The following PCDHA4 variants were observed in gnomAD, a reference collection of about 807,000 sequenced individuals.
The protein encoded by PCDHA4 is protocadherin alpha-4.
PCDHA4 carries 49 observed loss-of-function variants against 61.4 expected under a neutral mutation model. The observed-to-expected ratio is 0.80, with a 90% CI of 0.63 to 1.01. PCDHA4 has a LOEUF of 1.01. PCDHA4 is among the 50% of genes least tolerant of loss of function. The pLI, the probability that PCDHA4 is intolerant of heterozygous loss-of-function variation, is 0.00. For missense variants in PCDHA4, 1,254 were observed against 1,235.8 expected (o/e 1.01, Z -0.22); for synonymous variants, 590 against 550.3 (o/e 1.07, Z -1.01).
intron 1 of PCDHA4, chr5:140,857,218 T>G: frequency 6.3e-7 from 1 of 1,598,468 alleles, no homozygotes. Context: ...CTCTGACGCC[T>G]CACGTTCCGT....
chr5:140,808,572 T>C lies in PCDHA4; in HGVS notation c.1385T>C (p.Val462Ala). The change falls in exon 1 of 4, where the codon GTG (valine) becomes GCG (alanine). Residue 462 changes from valine (V) to alanine (A), a missense_variant. Transcript: ENST00000530339. Reference sequence around the variant, plus strand: ...GCGTTCGCGCAGCCCGAGTACACAGTGTTCGTGAAGGAGAACAACCCGCCG... The same window carrying C: ...GCGTTCGCGCAGCCCGAGTACACAGCGTTCGTGAAGGAGAACAACCCGCCG... Reference protein sequence around the residue: ...APAFAQPEYTVFVKENNPPGC... With the variant: ...APAFAQPEYTAFVKENNPPGC... The C allele has an allele frequency of 6.2e-7, 1 of 1,614,066 alleles. No individual in the cohort carries two copies. The highest frequency in any genetic ancestry group is 8.5e-7 in the Non-Finnish European group (1 of 1,179,990).
Position 140,809,581 on chromosome 5 carries a change from A to T in PCDHA4, c.2385+9A>T. The T allele has an allele frequency of 6.4e-7, 1 of 1,552,852 alleles. No individual in the cohort carries two copies. The highest frequency in any genetic ancestry group is 8.7e-7 in the Non-Finnish European group (1 of 1,148,464). ...AGGAATCCTTTGCAAAGGTTAGTGT[A>T]TAACATCCTTTTGTTTAATTTTCGT... is the stretch of plus-strand genomic sequence containing the variant. On this transcript the variant is annotated intron_variant, in intron 1 of 3. Coordinates refer to ENST00000530339, the MANE Select transcript of PCDHA4 (RefSeq NM_018907.4).
At chr5:140,819,297 TA>T (rs1766530327) in intron 1 of PCDHA4, among the ~76,000 whole-genome samples, 1 of 152,174 alleles carries the variant, frequency 6.6e-6, no homozygotes, top group Non-Finnish European at 1.5e-5. Context: ...TATAGCTTAT[TA>T]AAATTTTATT....
chr5:140,935,108 A>G (rs1181696268), intron 1 of PCDHA4, among the ~76,000 whole-genome samples: 3 of 152,148 alleles, frequency 2.0e-5, no homozygotes, highest in Non-Finnish European at 4.4e-5. Context: ...TTTTTCAAAG[A>G]GCTTTCACTT....
intron 1 of PCDHA4, among the ~76,000 whole-genome samples, chr5:140,826,832 G>C (rs2150145487): frequency 6.6e-6 from 1 of 152,082 alleles, no homozygotes; most frequent in South Asian, 2.1e-4. Context: ...GTTACTAGAA[G>C]TTTCTCAAGT....
intron 1 of PCDHA4, chr5:140,871,353 G>T: frequency 6.2e-7 from 1 of 1,614,214 alleles, no homozygotes; most frequent in Non-Finnish European, 8.5e-7. Flanking sequence ...GGTCATACTC[G>T]CAGCAGAGGC....
chr5:140,824,579 G>T, intron 1 of PCDHA4: 1 of 152,702 alleles, frequency 6.5e-6, no homozygotes. Flanking sequence ...AGCCGCCCAA[G>T]TAGCTGGACT....
chr5:140,885,164 T>G (rs2060495549), intron 1 of PCDHA4, among the ~76,000 whole-genome samples: 1 of 151,598 alleles, frequency 6.6e-6, no homozygotes, highest in African/African-American at 2.4e-5. Context: ...TCTCTACTTT[T>G]TTGTCCTCTA....
intron 1 of PCDHA4, among the ~76,000 whole-genome samples, chr5:140,913,140 G>T (rs1562991745): frequency 6.6e-6 from 1 of 152,068 alleles, no homozygotes; most frequent in African/African-American, 2.4e-5. Context: ...CTACTTTTTG[G>T]AATAGTTTGA....
intron 1 of PCDHA4, chr5:140,883,838 GA>G: frequency 6.2e-7 from 1 of 1,612,738 alleles, no homozygotes; most frequent in Non-Finnish European, 8.5e-7. Context: ...GCAGCCGTTG[GA>G]CCACGAGGAG....
At position 140,850,532 on chromosome 5, in the gene PCDHA4, G is replaced by A. The variant is rs140380568; in HGVS notation, c.2385+40960G>A. 9.4e-6 allele frequency: 15 copies of A among 1,598,364 alleles called. 1 individual carries two copies. Among genetic ancestry groups the A allele is most frequent in the Admixed American group, 6.7e-5 (4 of 59,316 alleles). ...AGAGCGGCCAGGCGCCAAAGTCATC[G>A]TCGCGGGCGTCAGTGGGTGCCACGG... On this transcript the variant is annotated intron_variant, in intron 1 of 3. Transcript: ENST00000530339.
intron 3 of PCDHA4, among the ~76,000 whole-genome samples, chr5:140,991,523 T>A (rs73268060): frequency 0.032 from 4,843 of 152,294 alleles, 263 homozygotes; most frequent in African/African-American, 0.11. Flanking sequence ...CAAGGTGTGT[T>A]CTTGCCACTA....
In PCDHA4 at chr5:140,807,598, A is replaced by G. The variant is rs1581686501; in HGVS notation, c.411A>G (p.Gln137=). ...ACCCGCCGGTGTTCCCAGCAACACA[A>G]AAGAACCTGTCCATCGCGGAATCCA... The part of the protein sequence containing the change: ...NDNPPVFPAT[Q]KNLSIAESRP... Residue 137 remains glutamine (Q), a synonymous_variant, in exon 1 of 4, where the codon CAA becomes CAG. Transcript: ENST00000530339. 15 of 1,614,200 alleles carry G rather than the reference A, an allele frequency of 9.3e-6. No homozygotes were observed. The East Asian group carries it at 1.8e-4, about 19-fold the overall frequency.
At chr5:140,857,294 A>G in intron 1 of PCDHA4, 2 of 1,598,576 alleles carry the variant, frequency 1.3e-6, no homozygotes, top group Non-Finnish European at 1.7e-6. Context: ...GGACCGCGAG[A>G]GGGTGTCGGC....
At position 140,977,766 on chromosome 5, in the gene PCDHA4, G is replaced by C. The variant is rs559146656; in HGVS notation, c.2386-1183G>C. ...AAGAAATGTGTTTATTAAATACTTTGCATCCCTTAAAGGAACTATATGAAT... is the reference window on the plus strand; with the variant it reads ...AAGAAATGTGTTTATTAAATACTTTCCATCCCTTAAAGGAACTATATGAAT... On this transcript the variant is annotated intron_variant, in intron 1 of 3. Coordinates refer to ENST00000530339, the MANE Select transcript of PCDHA4 (RefSeq NM_018907.4). Among the ~76,000 whole-genome samples, 3 of 152,272 alleles carry C rather than the reference G, an allele frequency of 2.0e-5. No homozygotes were observed. In the South Asian group the frequency reaches 6.2e-4, roughly 32 times the overall value.
intron 1 of PCDHA4, chr5:140,967,872 A>G: frequency 1.2e-6 from 2 of 1,614,034 alleles, no homozygotes; most frequent in Non-Finnish European, 1.7e-6. Context: ...GTGCTCACGG[A>G]CCTGTATAGC....
chr5:140,900,360 C>T (rs952432002), intron 1 of PCDHA4, among the ~76,000 whole-genome samples: 2 of 152,168 alleles, frequency 1.3e-5, no homozygotes, highest in Non-Finnish European at 2.9e-5. Flanking sequence ...TCACCGCAAC[C>T]TCTGCCTCCT....
At chr5:140,831,993 C>A (rs1438404433) in intron 1 of PCDHA4, among the ~76,000 whole-genome samples, 1 of 152,120 alleles carries the variant, frequency 6.6e-6, no homozygotes, top group East Asian at 1.9e-4. Flanking sequence ...TTACGGATTC[C>A]ATATTGTTTT....
chr5:140,990,984 A>G (rs1213067851), intron 3 of PCDHA4, among the ~76,000 whole-genome samples: 4 of 152,200 alleles, frequency 2.6e-5, no homozygotes, highest in Admixed American at 6.5e-5. Context: ...AAGGAAGACA[A>G]TAGCTACCAT....
Sources: gnomAD v4.1 joint callset for allele counts (sites outside exome capture counted in the v4.1 genomes callset) on GRCh38, gnomAD v4.1.1 for gene constraint, MANE v1.5 for transcripts, NCBI Gene and HGNC (gene_info 2026-07-23, HGNC 2026-07-21) for gene names.